MAF: variants seen among roughly 807,000 people sequenced by gnomAD.
MAF encodes the protein transcription factor Maf.
Under a neutral mutation model 22.0 loss-of-function variants are expected in MAF, and 10 were observed. That is an observed-to-expected ratio of 0.45 (90% CI 0.28 to 0.77). The LOEUF (loss-of-function observed/expected upper bound fraction) is 0.77, where lower values mean the gene tolerates loss of function less well. Among genes scored for constraint, MAF ranks in the 30% least tolerant of loss-of-function variants. MAF has a pLI of 0.12. For missense variants in MAF, 544 were observed against 548.4 expected, an observed-to-expected ratio of 0.99 and a Z score of 0.08; for synonymous variants, 337 against 255.8, an observed-to-expected ratio of 1.32 and a Z score of -3.03.
the MAF span, among the ~76,000 whole-genome samples, chr16:79,441,317 G>A: frequency 4.2e-3 from 638 of 152,280 alleles, 4 homozygotes; most frequent in South Asian, 0.021. Flanking sequence ...TTTTTCCCAA[G>A]CTCCTCTCTT....
the MAF span, among the ~76,000 whole-genome samples, chr16:79,251,841 G>T: frequency 6.6e-6 from 1 of 152,134 alleles, no homozygotes; most frequent in African/African-American, 2.4e-5. Flanking sequence ...TCTTCATCAT[G>T]ATAATTTAAA....
At chr16:79,452,528 A>T in the MAF span, among the ~76,000 whole-genome samples, 2 of 152,100 alleles carry the variant, frequency 1.3e-5, no homozygotes, top group Non-Finnish European at 2.9e-5. Flanking sequence ...GTTTGCAAAC[A>T]CTCTATAAGA....
the MAF span, among the ~76,000 whole-genome samples, chr16:79,579,627 G>A: frequency 6.6e-6 from 1 of 152,184 alleles, no homozygotes; most frequent in Non-Finnish European, 1.5e-5. Flanking sequence ...ACAGTGGCCT[G>A]ATCCCAATTA....
the MAF span, among the ~76,000 whole-genome samples, chr16:79,419,309 G>C: frequency 6.6e-6 from 1 of 152,176 alleles, no homozygotes; most frequent in Non-Finnish European, 1.5e-5. Flanking sequence ...CTTGGAACAA[G>C]GCTTCAGCCT....
downstream of MAF, among the ~76,000 whole-genome samples, chr16:79,582,726 TC>T: frequency 6.6e-6 from 1 of 152,380 alleles, no homozygotes; most frequent in African/African-American, 2.4e-5. Flanking sequence ...CCTTATTTTC[TC>T]AGTGCCAACA....
the MAF span, among the ~76,000 whole-genome samples, chr16:79,286,477 T>G: frequency 3.0e-4 from 45 of 152,338 alleles, no homozygotes; most frequent in African/African-American, 1.0e-3. Flanking sequence ...CTTGATACAT[T>G]TGGCAGTATG....
the MAF span, among the ~76,000 whole-genome samples, chr16:79,378,389 CTAT>C: frequency 6.6e-6 from 1 of 152,098 alleles, no homozygotes; most frequent in Non-Finnish European, 1.5e-5. Flanking sequence ...ATTTTTTATT[CTAT>C]TATTATAAAA....
the MAF span, among the ~76,000 whole-genome samples, chr16:79,459,493 G>A: frequency 6.6e-6 from 1 of 151,788 alleles, no homozygotes; most frequent in Admixed American, 6.6e-5. Flanking sequence ...TTTTTCTATC[G>A]TAAGCTTCAG....
the MAF span, among the ~76,000 whole-genome samples, chr16:79,330,574 G>A: frequency 6.6e-6 from 1 of 152,172 alleles, no homozygotes; most frequent in Non-Finnish European, 1.5e-5. Flanking sequence ...CACAGGGTGG[G>A]GAGGAACACC....
At chr16:79,206,525 C>G in the MAF span, 1 of 152,206 alleles carries the variant, frequency 6.6e-6, no homozygotes, top group African/African-American at 2.4e-5. Flanking sequence ...GCTTACAAAG[C>G]TCTCCATGCA....
the MAF span, among the ~76,000 whole-genome samples, chr16:79,506,905 G>C: frequency 3.3e-5 from 5 of 152,122 alleles, no homozygotes; most frequent in Non-Finnish European, 7.4e-5. Context: ...ATAAAGGGTT[G>C]AAACCAAAGA....
the MAF span, among the ~76,000 whole-genome samples, chr16:79,407,151 A>C: frequency 1.3e-5 from 2 of 152,178 alleles, no homozygotes; most frequent in Admixed American, 6.5e-5. Flanking sequence ...GGTCCTGCAC[A>C]GTCCTGAACA....
At chr16:79,328,053 C>A in the MAF span, among the ~76,000 whole-genome samples, 1 of 152,144 alleles carries the variant, frequency 6.6e-6, no homozygotes, top group African/African-American at 2.4e-5. Context: ...AATTCCCAAC[C>A]CTGTGAGTTG....
the MAF span, among the ~76,000 whole-genome samples, chr16:79,578,055 C>T: frequency 1.3e-5 from 2 of 151,908 alleles, no homozygotes; most frequent in Admixed American, 1.3e-4. Context: ...AACTAATGAG[C>T]CCATAATAAA....
chr16:79,208,460 G>A, the MAF span, among the ~76,000 whole-genome samples: 2 of 152,210 alleles, frequency 1.3e-5, no homozygotes, highest in East Asian at 3.9e-4. Flanking sequence ...TATCACAATG[G>A]ATCAGTAAGC....
the MAF span, among the ~76,000 whole-genome samples, chr16:79,225,905 A>G: frequency 9.2e-5 from 14 of 152,346 alleles, no homozygotes; most frequent in African/African-American, 3.1e-4. Context: ...ATGTGGAGAT[A>G]TAGGAACACT....
Position 79,600,368 on chromosome 16 carries a change from G to T in MAF, c.-466C>A, listed in dbSNP as rs1021933539. On this transcript the variant is annotated 5_prime_UTR_variant, in exon 1 of 2. Transcript: ENST00000326043. ...CCGGGCTGCAGGCAGGGCGCGCGCG[G>T]CGTCCGCTCGGGGCTGGAGGCGCGG... 5 of 197,842 alleles carry T rather than the reference G, an allele frequency of 2.5e-5. No individual in the cohort carries two copies. The highest frequency in any genetic ancestry group is 3.4e-5 in the Non-Finnish European group (3 of 87,158). The allele number at this position is 197,842 out of a possible 1,614,324, so 12.3% of individuals were successfully genotyped here.
the MAF span, among the ~76,000 whole-genome samples, chr16:79,215,545 C>T: frequency 6.6e-6 from 1 of 152,196 alleles, no homozygotes; most frequent in African/African-American, 2.4e-5. Context: ...TGGCCTCCTG[C>T]TTCCTGGCCG....
the MAF span, among the ~76,000 whole-genome samples, chr16:79,416,544 T>C: frequency 8.0e-5 from 12 of 149,628 alleles, no homozygotes; most frequent in South Asian, 6.4e-4. Flanking sequence ...TTTCATAGAA[T>C]TGAATATTTT....
Sources: gnomAD v4.1 joint callset for allele counts (sites outside exome capture counted in the v4.1 genomes callset) on GRCh38, gnomAD v4.1.1 for gene constraint, MANE v1.5 for transcripts, NCBI Gene and HGNC (gene_info 2026-07-23, HGNC 2026-07-21) for gene names.